JARID2: variants seen among roughly 807,000 people sequenced by gnomAD.
The protein encoded by JARID2 is jumonji and AT-rich interaction domain containing 2, also known as protein Jumonji.
JARID2 carries 21 observed loss-of-function variants against 125.6 expected under a neutral mutation model. The ratio of observed to expected loss-of-function variants is 0.17; its 90% CI spans 0.12 to 0.24. The LOEUF is 0.24. Among genes scored for constraint, JARID2 ranks in the 10% least tolerant of loss-of-function variants. The pLI is 1.00. For synonymous variants in JARID2, 736 were observed against 661.6 expected, an observed-to-expected ratio of 1.11 and a Z score of -1.73; for missense variants, 1,303 against 1,639.6, an observed-to-expected ratio of 0.79 and a Z score of 3.55.
Position 15,452,562 on chromosome 6 carries a change from T to C in JARID2, c.493+387T>C, listed in dbSNP as rs1268799728. On this transcript the variant is annotated intron_variant, in intron 4 of 17. Coordinates refer to ENST00000341776, the MANE Select transcript of JARID2 (RefSeq NM_004973.4). ...AGGACTTTGGGGCTGTGAAGGCCCC[T>C]TTCTTTGTGCTTCCTAAGGCCTGTC... Among the ~76,000 whole-genome samples, 4 of 152,168 alleles carry C rather than the reference T, an allele frequency of 2.6e-5. No homozygotes were observed. In the East Asian group the frequency reaches 7.7e-4, roughly 29 times the overall value.
intron 2 of JARID2, among the ~76,000 whole-genome samples, chr6:15,377,536 G>A (rs567518996): frequency 6.6e-6 from 1 of 152,200 alleles, no homozygotes; most frequent in South Asian, 2.1e-4. Context: ...CATGATCTTG[G>A]CTCACTGCAA....
chr6:15,500,187 G>A (rs1246285232), intron 7 of JARID2, among the ~76,000 whole-genome samples: 1 of 152,150 alleles, frequency 6.6e-6, no homozygotes, highest in Non-Finnish European at 1.5e-5. Context: ...GTGCATTTGC[G>A]CTGCTCTGTG....
intron 16 of JARID2, 85 bp downstream of exon 16, chr6:15,513,507 C>T (rs1771382111): frequency 7.5e-7 from 1 of 1,332,408 alleles, no homozygotes. Flanking sequence ...AGGGAGGGCG[C>T]TCTCTGCCCA....
chr6:15,355,425 AAATACTAAT>A (rs992534470), intron 1 of JARID2, among the ~76,000 whole-genome samples: 3 of 152,188 alleles, frequency 2.0e-5, no homozygotes, highest in African/African-American at 4.8e-5. Flanking sequence ...TATGGGGATA[AAATACTAAT>A]AATACTAATA....
At chr6:15,283,866 C>T (rs1285955275) in intron 1 of JARID2, among the ~76,000 whole-genome samples, 2 of 151,820 alleles carry the variant, frequency 1.3e-5, no homozygotes, top group African/African-American at 4.8e-5. Flanking sequence ...CCACCATGCC[C>T]GGCTAATTTT....
At chr6:15,260,215 G>A (rs1263321470) in intron 1 of JARID2, among the ~76,000 whole-genome samples, 4 of 152,128 alleles carry the variant, frequency 2.6e-5, no homozygotes, top group African/African-American at 9.7e-5. Context: ...GGGAGGGTCT[G>A]GATTTGGGAG....
At chr6:15,266,864 C>G (rs982703435) in intron 1 of JARID2, among the ~76,000 whole-genome samples, 1 of 152,168 alleles carries the variant, frequency 6.6e-6, no homozygotes, top group African/African-American at 2.4e-5. Context: ...GCCAGCTGAC[C>G]ACTGGTTGTC....
At chr6:15,308,363 C>T (rs898944273) in intron 1 of JARID2, among the ~76,000 whole-genome samples, 1 of 152,122 alleles carries the variant, frequency 6.6e-6, no homozygotes, top group African/African-American at 2.4e-5. Flanking sequence ...GGATCTGGAG[C>T]CTCATTTATT....
chr6:15,260,018 TTAAG>T (rs1354332632), intron 1 of JARID2, among the ~76,000 whole-genome samples: 1 of 152,230 alleles, frequency 6.6e-6, no homozygotes, highest in Admixed American at 6.5e-5. Context: ...ACCTAAAACT[TTAAG>T]TAAAGGCAAG....
At chr6:15,430,458 G>A (rs1392430772) in intron 3 of JARID2, among the ~76,000 whole-genome samples, 1 of 152,268 alleles carries the variant, frequency 6.6e-6, no homozygotes, top group Admixed American at 6.5e-5. Context: ...ATATGTGGTT[G>A]CCAATTATAT....
At chr6:15,294,268 C>G (rs1761327476) in intron 1 of JARID2, among the ~76,000 whole-genome samples, 1 of 152,170 alleles carries the variant, frequency 6.6e-6, no homozygotes. Context: ...TCTTGGCTCA[C>G]TGCAGCCTCC....
chr6:15,320,293 C>T (rs553713267), intron 1 of JARID2, among the ~76,000 whole-genome samples: 36 of 152,218 alleles, frequency 2.4e-4, no homozygotes, highest in South Asian at 1.0e-3. Flanking sequence ...GGTTATAAGC[C>T]GGTAATTCAA....
At chr6:15,432,827 C>T (rs1284203786) in intron 3 of JARID2, among the ~76,000 whole-genome samples, 1 of 152,232 alleles carries the variant, frequency 6.6e-6, no homozygotes, top group Non-Finnish European at 1.5e-5. Flanking sequence ...TTAAAAGCTA[C>T]TTAAAAGTGT....
chr6:15,355,186 G>T (rs1297692961), intron 1 of JARID2, among the ~76,000 whole-genome samples: 1 of 152,136 alleles, frequency 6.6e-6, no homozygotes, highest in Admixed American at 6.5e-5. Flanking sequence ...GGAATTATCT[G>T]CCTGTACTTT....
intron 1 of JARID2, among the ~76,000 whole-genome samples, chr6:15,320,840 C>CTG (rs1762326463): frequency 7.0e-6 from 1 of 143,246 alleles, no homozygotes; most frequent in African/African-American, 2.7e-5. Context: ...ATGATTCATT[C>CTG]TCTCTCTCTC....
intron 1 of JARID2, among the ~76,000 whole-genome samples, chr6:15,308,970 C>G (rs903699434): frequency 6.6e-6 from 1 of 152,188 alleles, no homozygotes; most frequent in Non-Finnish European, 1.5e-5. Flanking sequence ...ACATGAGTGA[C>G]CTTTTTGGTT....
chr6:15,275,534 C>CG (rs1491563537), intron 1 of JARID2, among the ~76,000 whole-genome samples: 3 of 6,952 alleles, frequency 4.3e-4, no homozygotes, highest in Non-Finnish European at 1.2e-3. Context: ...GCCCCCCCCG[C>CG]CCCCCCCCCC....
intron 1 of JARID2, among the ~76,000 whole-genome samples, chr6:15,366,728 C>T (rs1763992752): frequency 6.6e-6 from 1 of 152,086 alleles, no homozygotes; most frequent in Non-Finnish European, 1.5e-5. Flanking sequence ...CCTTTGATGT[C>T]CTGTGCCCCT....
At chr6:15,456,216 T>G (rs548406188) in intron 4 of JARID2, among the ~76,000 whole-genome samples, 4 of 152,182 alleles carry the variant, frequency 2.6e-5, no homozygotes, top group African/African-American at 4.8e-5. Context: ...GGAGAGTCTT[T>G]TAGTTGCGGA....
Sources: gnomAD v4.1 joint callset for allele counts (sites outside exome capture counted in the v4.1 genomes callset) on GRCh38, gnomAD v4.1.1 for gene constraint, MANE v1.5 for transcripts, NCBI Gene and HGNC (gene_info 2026-07-23, HGNC 2026-07-21) for gene names.